Variants in CNTN6 observed in about 807,000 individuals in gnomAD.
The protein encoded by CNTN6 is contactin 6, also known as contactin-6.
Under a neutral mutation model 122.8 loss-of-function variants are expected in CNTN6, and 137 were observed. That is an observed-to-expected ratio of 1.12 (90% CI 0.97 to 1.29). CNTN6 has a LOEUF of 1.29. CNTN6 is among the 50% of genes most tolerant of loss of function. The pLI is 0.00. For synonymous variants in CNTN6, 570 were observed against 426.0 expected, an observed-to-expected ratio of 1.34 and a Z score of -4.16; for missense variants, 1,634 against 1,223.4, an observed-to-expected ratio of 1.34 and a Z score of -5.01.
At chr3:1,142,968 G>GTGTGTGTATA (rs1217250181) in intron 1 of CNTN6, among the ~76,000 whole-genome samples, 8 of 128,654 alleles carry the variant, frequency 6.2e-5, no homozygotes, top group African/African-American at 2.5e-4. Context: ...GTGTGTGTGT[G>GTGTGTGTATA]TATATATATA....
At chr3:1,223,739 C>G (rs891439321) in intron 3 of CNTN6, among the ~76,000 whole-genome samples, 2 of 152,192 alleles carry the variant, frequency 1.3e-5, no homozygotes, top group African/African-American at 4.8e-5. Context: ...TCTACCTGGT[C>G]ACCAGAGGAG....
chr3:1,398,460 T>C (rs924267870), intron 20 of CNTN6, among the ~76,000 whole-genome samples: 3 of 152,122 alleles, frequency 2.0e-5, no homozygotes, highest in African/African-American at 7.2e-5. Flanking sequence ...AGAGCAATAT[T>C]ATTAAGGGGA....
At chr3:1,113,597 A>G (rs2091581696) in intron 1 of CNTN6, among the ~76,000 whole-genome samples, 1 of 152,206 alleles carries the variant, frequency 6.6e-6, no homozygotes, top group Non-Finnish European at 1.5e-5. Context: ...AATTTTAAAC[A>G]TTTACTGCTG....
In CNTN6 at chr3:1,345,401, C is replaced by T. The variant is rs550672662; in HGVS notation, c.1365-6923C>T. ...AGTGTGCTGGGATTACAGGCATGAA[C>T]CACCATGCCCAGCCATACAATTACT... On this transcript the variant is annotated intron_variant, in intron 11 of 22. Transcript: ENST00000446702. 2.0e-5 allele frequency among the ~76,000 whole-genome samples: 3 copies of T among 152,200 alleles called. No individual in the cohort carries two copies. In the East Asian group the frequency reaches 5.8e-4, roughly 29 times the overall value.
At chr3:1,211,444 A>G (rs1321639535) in intron 2 of CNTN6, among the ~76,000 whole-genome samples, 1 of 152,198 alleles carries the variant, frequency 6.6e-6, no homozygotes, top group African/African-American at 2.4e-5. Context: ...AAAAGCAGCC[A>G]AACACTGGTC....
intron 20 of CNTN6, among the ~76,000 whole-genome samples, chr3:1,386,085 C>A (rs9821129): frequency 0.16 from 24,181 of 152,116 alleles, 2,040 homozygotes; most frequent in Non-Finnish European, 0.19. Flanking sequence ...TAAATGCATT[C>A]AAAAACTGAC....
In CNTN6 at chr3:1,378,856, C is replaced by G. The variant is rs566390718; in HGVS notation, c.2166+1781C>G. ...TGCACTGTGATGGCTGAGGGTGGGC[C>G]TGAGTCCTTGAGTATATCTACCTTA... On this transcript the variant is annotated intron_variant, in intron 17 of 22. Transcript: ENST00000446702. 2.6e-5 allele frequency among the ~76,000 whole-genome samples: 4 copies of G among 152,260 alleles called. No individual in the cohort carries two copies. In the East Asian group the frequency reaches 7.7e-4, roughly 29 times the overall value.
Position 1,311,355 on chromosome 3 carries a change from ATG to A in CNTN6, c.762-10293_762-10292del, listed in dbSNP as rs1300112097. On this transcript the variant is annotated intron_variant, in intron 7 of 22. Transcript: ENST00000446702. ...ATATGTACATATAAAATGTCTTTAT[ATG>A]TACATATATGTACATATAAAATGTC... Among the ~76,000 whole-genome samples, 421 of 133,930 alleles carry A rather than the reference ATG, an allele frequency of 3.1e-3. 108 individuals carry two copies. Among genetic ancestry groups the A allele is most frequent in the African/African-American group, 0.011 (400 of 36,550 alleles). 87.9% of individuals were successfully genotyped at this position (133,930 alleles called of 152,430 possible). A position where few individuals can be genotyped will look rare whatever the true frequency, so the allele number is the denominator to read the frequency against.
chr3:1,377,857 G>A (rs541289968), intron 17 of CNTN6, among the ~76,000 whole-genome samples: 3 of 152,246 alleles, frequency 2.0e-5, no homozygotes, highest in East Asian at 3.9e-4. Flanking sequence ...TACATTTCTC[G>A]TTTGACTTTG....
chr3:1,283,602 G>A (rs909621774), intron 5 of CNTN6, among the ~76,000 whole-genome samples: 2 of 152,110 alleles, frequency 1.3e-5, no homozygotes, highest in African/African-American at 4.8e-5. Context: ...ACAGAATGAA[G>A]CAACGATACA....
intron 5 of CNTN6, among the ~76,000 whole-genome samples, chr3:1,288,666 G>T (rs1276136164): frequency 2.6e-5 from 4 of 152,206 alleles, no homozygotes; most frequent in Non-Finnish European, 4.4e-5. Flanking sequence ...AATAGAAGTT[G>T]TCAGTATCAA....
At chr3:1,385,577 C>A (rs368879801) in intron 19 of CNTN6, 34 bp from the exon 20 acceptor site, 4 of 1,528,908 alleles carry the variant, frequency 2.6e-6, no homozygotes, top group Non-Finnish European at 2.7e-6. Flanking sequence ...TATTGGGGAA[C>A]AATAAATTGC....
intron 1 of CNTN6, among the ~76,000 whole-genome samples, chr3:1,103,926 A>C (rs1292373746): frequency 6.6e-6 from 1 of 152,116 alleles, no homozygotes; most frequent in Non-Finnish European, 1.5e-5. Context: ...ATTCGTACAA[A>C]AATTCTAGTT....
At chr3:1,250,703 G>A (rs1575423169) in intron 4 of CNTN6, among the ~76,000 whole-genome samples, 1 of 151,926 alleles carries the variant, frequency 6.6e-6, no homozygotes, top group South Asian at 2.1e-4. Context: ...TTCTTCCTTG[G>A]GCCTCCTAAA....
At chr3:1,109,388 ATCT>A (rs1237820452) in intron 1 of CNTN6, among the ~76,000 whole-genome samples, 1 of 152,046 alleles carries the variant, frequency 6.6e-6, no homozygotes, top group African/African-American at 2.4e-5. Flanking sequence ...TTTATTGTTA[ATCT>A]TCTTGTTTAC....
chr3:1,162,328 A>G (rs1261770955), intron 2 of CNTN6, among the ~76,000 whole-genome samples: 1 of 152,178 alleles, frequency 6.6e-6, no homozygotes, highest in East Asian at 1.9e-4. Flanking sequence ...ATTTGTGCAC[A>G]TGGGAATTTC....
intron 1 of CNTN6, among the ~76,000 whole-genome samples, chr3:1,143,336 C>T (rs74782744): frequency 1.2e-4 from 19 of 152,230 alleles, no homozygotes; most frequent in African/African-American, 4.6e-4. Context: ...AACCAAGATA[C>T]TCACTGCTCT....
chr3:1,398,802 C>T (rs1695296688), intron 20 of CNTN6, among the ~76,000 whole-genome samples: 1 of 152,054 alleles, frequency 6.6e-6, no homozygotes, highest in African/African-American at 2.4e-5. Context: ...TTCTCATCTC[C>T]CAGAGAGCAA....
intron 1 of CNTN6, among the ~76,000 whole-genome samples, chr3:1,098,230 TATA>T (rs67463023): frequency 0.18 from 26,528 of 151,574 alleles, 4,810 homozygotes; most frequent in African/African-American, 0.47. Flanking sequence ...AAACTTAAAG[TATA>T]ATAATACTAA....
Sources: allele counts gnomAD v4.1 joint callset (sites outside exome capture counted in the v4.1 genomes callset), GRCh38; gene constraint gnomAD v4.1.1; transcripts MANE v1.5; gene names NCBI Gene and HGNC (gene_info 2026-07-23, HGNC 2026-07-21).